The following HS6ST3 variants were observed in gnomAD, a reference collection of about 807,000 sequenced individuals.
The protein encoded by HS6ST3 is heparan-sulfate 6-O-sulfotransferase 3.
A neutral mutation model predicts 36.7 loss-of-function variants in HS6ST3; 12 were observed. The ratio of observed to expected loss-of-function variants is 0.33; its 90% CI spans 0.21 to 0.53. The LOEUF is 0.53. HS6ST3 is among the 20% of genes least tolerant of loss of function. The probability of loss-of-function intolerance (pLI) is 0.95; values close to 1 mark genes in which losing one functional copy is unlikely to be tolerated. For synonymous variants in HS6ST3, 240 were observed against 257.5 expected (o/e 0.93, Z 0.65); for missense variants, 584 against 640.9 (o/e 0.91, Z 0.96).
At chr13:96,135,843 A>G (rs2139314264) in intron 1 of HS6ST3, among the ~76,000 whole-genome samples, 1 of 152,218 alleles carries the variant, frequency 6.6e-6, no homozygotes, top group Admixed American at 6.5e-5. Flanking sequence ...AACCACTACC[A>G]CTTATAAAAA....
At chr13:96,317,351 TATATATATATATATATAAAATTATATA>T (rs2054977740) in intron 1 of HS6ST3, among the ~76,000 whole-genome samples, 3 of 26,898 alleles carry the variant, frequency 1.1e-4, no homozygotes, top group Non-Finnish European at 2.1e-4. Context: ...TATATATATA[TATATATATATATATATAAAATTATATA>T]TATATATATA....
intron 1 of HS6ST3, among the ~76,000 whole-genome samples, chr13:96,164,826 T>C (rs1404300920): frequency 3.9e-5 from 6 of 152,164 alleles, no homozygotes; most frequent in Non-Finnish European, 4.4e-5. Context: ...AGCTGGGCCT[T>C]GCAATGTAGA....
chr13:96,830,888 G>T (rs1878764935), intron 1 of HS6ST3, among the ~76,000 whole-genome samples: 1 of 152,192 alleles, frequency 6.6e-6, no homozygotes, highest in African/African-American at 2.4e-5. Context: ...ATTGGAATCA[G>T]ACTGGCTTGT....
At chr13:96,338,598 A>G (rs976074809) in intron 1 of HS6ST3, among the ~76,000 whole-genome samples, 5 of 152,086 alleles carry the variant, frequency 3.3e-5, no homozygotes, top group Non-Finnish European at 5.9e-5. Flanking sequence ...ATGCTGCCCT[A>G]CTTCCAGAGA....
At chr13:96,706,661 A>T (rs2138457282) in intron 1 of HS6ST3, among the ~76,000 whole-genome samples, 1 of 152,008 alleles carries the variant, frequency 6.6e-6, no homozygotes, top group Middle Eastern at 3.4e-3. Context: ...AAAACTGACC[A>T]TTGCCCCCAA....
intron 1 of HS6ST3, among the ~76,000 whole-genome samples, chr13:96,376,905 C>A (rs893823540): frequency 1.3e-5 from 2 of 151,938 alleles, no homozygotes; most frequent in African/African-American, 4.8e-5. Flanking sequence ...CACTTGAGGC[C>A]AGGAGTTCAA....
chr13:96,774,087 C>A (rs775325077), intron 1 of HS6ST3, among the ~76,000 whole-genome samples: 19 of 152,054 alleles, frequency 1.2e-4, no homozygotes, highest in Non-Finnish European at 1.3e-4. Flanking sequence ...AGAAAAGGGG[C>A]CTGACTGTTA....
chr13:96,578,312 T>A (rs1184535669), intron 1 of HS6ST3, among the ~76,000 whole-genome samples: 1 of 152,160 alleles, frequency 6.6e-6, no homozygotes, highest in Non-Finnish European at 1.5e-5. Context: ...CATAAAAATG[T>A]GTGGCTGGTG....
intron 1 of HS6ST3, among the ~76,000 whole-genome samples, chr13:96,745,316 A>C (rs921513191): frequency 1.3e-5 from 2 of 152,130 alleles, no homozygotes; most frequent in African/African-American, 4.8e-5. Flanking sequence ...TGGAGGAATT[A>C]GGTGGAAATC....
rs150247003 is a variant in HS6ST3 at position 96,270,283 on chromosome 13, T to A, written c.707+178714T>A. On this transcript the variant is annotated intron_variant, in intron 1 of 1. Transcript: ENST00000376705. Reference sequence around the variant, plus strand: ...TACTTTGCTGGCACTTTGATCTTAGTCTCTGAGATGCCAGGACTGTGAGAA... The same window carrying A: ...TACTTTGCTGGCACTTTGATCTTAGACTCTGAGATGCCAGGACTGTGAGAA... Among the ~76,000 whole-genome samples the A allele has an allele frequency of 2.2e-4, 33 of 151,942 alleles. 1 individual carries two copies. Among genetic ancestry groups the A allele is most frequent in the African/African-American group, 7.7e-4 (32 of 41,320 alleles).
intron 1 of HS6ST3, among the ~76,000 whole-genome samples, chr13:96,428,929 G>A (rs2055600710): frequency 6.6e-6 from 1 of 152,218 alleles, no homozygotes; most frequent in Non-Finnish European, 1.5e-5. Context: ...GGAAGAACAC[G>A]ATGGGGATGG....
At chr13:96,379,553 G>C (rs890772014) in intron 1 of HS6ST3, among the ~76,000 whole-genome samples, 4 of 152,184 alleles carry the variant, frequency 2.6e-5, no homozygotes, top group Non-Finnish European at 5.9e-5. Flanking sequence ...TGGGTATCTT[G>C]TCATAGCAGC....
intron 1 of HS6ST3, among the ~76,000 whole-genome samples, chr13:96,149,528 C>A (rs936206221): frequency 4.6e-5 from 7 of 152,008 alleles, no homozygotes; most frequent in African/African-American, 1.7e-4. Flanking sequence ...GTTGTTTGTC[C>A]CAAAGCTGCC....
chr13:96,202,602 C>T (rs2054348374), intron 1 of HS6ST3, among the ~76,000 whole-genome samples: 1 of 152,188 alleles, frequency 6.6e-6, no homozygotes, highest in African/African-American at 2.4e-5. Flanking sequence ...GCAGCTGCTC[C>T]TGGCAGAGTT....
At chr13:96,694,858 A>T (rs1036865164) in intron 1 of HS6ST3, among the ~76,000 whole-genome samples, 1 of 151,824 alleles carries the variant, frequency 6.6e-6, no homozygotes, top group Non-Finnish European at 1.5e-5. Flanking sequence ...ATAGTTTTAA[A>T]TTTTATGAGG....
rs1163350506 is a variant in HS6ST3, at chr13:96,833,546, C to A, written c.*348C>A. On this transcript the variant is annotated 3_prime_UTR_variant, in exon 2 of 2. Transcript: ENST00000376705. ...GGTACCAGGAACCCACAGAGGCACA[C>A]ATGAAAAGCCAAATTATGGCTTGGA... 2.3e-5 allele frequency: 5 copies of A among 213,972 alleles called. No individual in the cohort carries two copies. The highest frequency in any genetic ancestry group is 9.2e-5 in the African/African-American group (4 of 43,596). 13.3% of individuals were successfully genotyped at this position (213,972 alleles called of 1,614,324 possible).
rs1426020032 is a variant in HS6ST3 at position 96,327,494 on chromosome 13, A to G, written c.707+235925A>G. On this transcript the variant is annotated intron_variant, in intron 1 of 1. Coordinates refer to ENST00000376705, the MANE Select transcript of HS6ST3 (RefSeq NM_153456.4). ...TGTCAAAGATCAGATAGTTGTAGAT[A>G]TGTGGCGTTATTTCTGAGGGCTCTG... Among the ~76,000 whole-genome samples the G allele has an allele frequency of 2.2e-3, 337 of 151,990 alleles. 2 individuals are homozygous for G. Among genetic ancestry groups the G allele is most frequent in the Non-Finnish European group, 3.5e-3 (235 of 67,954 alleles).
chr13:96,340,550 G>A (rs1594757801), intron 1 of HS6ST3, among the ~76,000 whole-genome samples: 1 of 152,328 alleles, frequency 6.6e-6, no homozygotes, highest in East Asian at 1.9e-4. Context: ...CCCTGATTCT[G>A]ATGGTGATCA....
At chr13:96,708,859 G>A (rs914430320) in intron 1 of HS6ST3, among the ~76,000 whole-genome samples, 1 of 152,206 alleles carries the variant, frequency 6.6e-6, no homozygotes, top group African/African-American at 2.4e-5. Flanking sequence ...ATGGATGGAA[G>A]AAAGGATAGG....
Sources: gnomAD v4.1 joint callset for allele counts (sites outside exome capture counted in the v4.1 genomes callset) on GRCh38, gnomAD v4.1.1 for gene constraint, MANE v1.5 for transcripts, NCBI Gene and HGNC (gene_info 2026-07-23, HGNC 2026-07-21) for gene names.